RAD23B: variants seen among roughly 807,000 people sequenced by gnomAD.
RAD23B encodes lysine-specific demethylase RAD23B.
RAD23B carries 5 observed loss-of-function variants against 49.1 expected under a neutral mutation model. That is an observed-to-expected ratio of 0.10 (90% confidence interval 0.05 to 0.21). RAD23B has a LOEUF of 0.21. Among genes scored for constraint, RAD23B ranks in the 10% least tolerant of loss-of-function variants. The pLI, the probability that RAD23B is intolerant of heterozygous loss-of-function variation, is 1.00. For synonymous variants in RAD23B, 184 were observed against 165.4 expected, an observed-to-expected ratio of 1.11 and a Z score of -0.86; for missense variants, 356 against 486.7, an observed-to-expected ratio of 0.73 and a Z score of 2.53.
chr9:107,314,531 A>T (rs1457214300), intron 5 of RAD23B, among the ~76,000 whole-genome samples: 3 of 152,146 alleles, frequency 2.0e-5, no homozygotes, highest in Non-Finnish European at 2.9e-5. Flanking sequence ...ATTCTTTTTG[A>T]TGGGTGAGTA....
rs912762736 is a variant in RAD23B at position 107,314,306 on chromosome 9, G to A, written c.553+2569G>A. ...TTAGTGTAGCCATCACCTGAATAAT[G>A]AACATTGTACCAAACAGGAAGTTTT... On this transcript the variant is annotated intron_variant, in intron 5 of 9. Transcript: ENST00000358015. 4.6e-5 allele frequency among the ~76,000 whole-genome samples: 7 copies of A among 152,220 alleles called. No homozygotes were observed. In the East Asian group the frequency reaches 7.7e-4, roughly 17 times the overall value.
At chr9:107,315,446 T>A (rs1826973250) in intron 5 of RAD23B, among the ~76,000 whole-genome samples, 1 of 152,216 alleles carries the variant, frequency 6.6e-6, no homozygotes, top group African/African-American at 2.4e-5. Flanking sequence ...TATAAGGTTC[T>A]TCATCACCAC....
At chr9:107,291,015 C>T (rs1426083371) in intron 1 of RAD23B, among the ~76,000 whole-genome samples, 5 of 152,156 alleles carry the variant, frequency 3.3e-5, no homozygotes, top group South Asian at 2.1e-4. Context: ...TTTATAGTGT[C>T]ACGAAAGCTA....
chr9:107,325,389 T>C (rs1020479082), intron 9 of RAD23B, among the ~76,000 whole-genome samples: 1 of 151,636 alleles, frequency 6.6e-6, no homozygotes, highest in Non-Finnish European at 1.5e-5. Context: ...AGTCACATAT[T>C]AATAATAAGG....
intron 1 of RAD23B, among the ~76,000 whole-genome samples, chr9:107,292,421 C>T (rs1326460785): frequency 1.3e-5 from 2 of 152,188 alleles, no homozygotes; most frequent in African/African-American, 2.4e-5. Context: ...TGGCTTATGC[C>T]TGTAATCCCA....
At chr9:107,308,299 A>G (rs1826823235) in intron 4 of RAD23B, among the ~76,000 whole-genome samples, 1 of 150,548 alleles carries the variant, frequency 6.6e-6, no homozygotes, top group Admixed American at 6.6e-5. Context: ...GCTCACTACA[A>G]CCTCCACCTC....
intron 4 of RAD23B, among the ~76,000 whole-genome samples, chr9:107,308,307 C>T (rs1464995162): frequency 6.6e-6 from 1 of 151,954 alleles, no homozygotes; most frequent in South Asian, 2.1e-4. Context: ...CAACCTCCAC[C>T]TCCCGGGTTC....
Position 107,306,631 on chromosome 9 carries a change from C to T in RAD23B, c.481C>T (p.Pro161Ser), listed in dbSNP as rs781509755. The T allele has an allele frequency of 4.3e-6, 7 of 1,613,616 alleles. No individual in the cohort carries two copies. In the East Asian group the frequency reaches 1.3e-4, roughly 31 times the overall value. The change falls in exon 4 of 10, where the codon CCA becomes TCA. Residue 161 changes from proline to serine, a missense_variant. Coordinates refer to ENST00000358015, the MANE Select transcript of RAD23B (RefSeq NM_002874.5). ...AGCAGAGACACCAGTGGCTACTAGC[C>T]CAACAGCAACTGACAGGTAGGAACT... ...KPAETPVATS[P>S]TATDSTSGDS...
chr9:107,296,231 G>T (rs1045362427), intron 1 of RAD23B, among the ~76,000 whole-genome samples: 4 of 152,198 alleles, frequency 2.6e-5, no homozygotes, highest in African/African-American at 9.7e-5. Context: ...TCTTTGAAGT[G>T]ATACTGTTGG....
chr9:107,313,964 TC>T (rs1309994104), intron 5 of RAD23B, among the ~76,000 whole-genome samples: 1 of 151,752 alleles, frequency 6.6e-6, no homozygotes, highest in African/African-American at 2.4e-5. Flanking sequence ...TTCCCTTTCT[TC>T]CCCTCATTCC....
At chr9:107,323,077 T>C (rs1374458598) in intron 7 of RAD23B, among the ~76,000 whole-genome samples, 1 of 152,242 alleles carries the variant, frequency 6.6e-6, no homozygotes, top group African/African-American at 2.4e-5. Flanking sequence ...AAAAATTCTC[T>C]TTTATTCATT....
intron 5 of RAD23B, among the ~76,000 whole-genome samples, chr9:107,316,309 C>T (rs887916646): frequency 1.3e-5 from 2 of 152,330 alleles, no homozygotes; most frequent in African/African-American, 2.4e-5. Context: ...CATACCTAGT[C>T]TTTACCAAAT....
intron 8 of RAD23B, 145 bp from the exon 9 acceptor site, chr9:107,324,689 C>G: frequency 1.3e-6 from 1 of 743,198 alleles, no homozygotes; most frequent in Non-Finnish European, 1.9e-6. Context: ...GAAATCACAT[C>G]CTTCCAAAGA....
intron 5 of RAD23B, 50 bp downstream of exon 5, chr9:107,311,787 G>T: frequency 1.5e-6 from 2 of 1,367,714 alleles, no homozygotes; most frequent in Non-Finnish European, 2.0e-6. Flanking sequence ...ATAGGAAAGA[G>T]GTTTCACTTT....
At chr9:107,314,997 T>C (rs1048675951) in intron 5 of RAD23B, among the ~76,000 whole-genome samples, 6 of 152,202 alleles carry the variant, frequency 3.9e-5, no homozygotes, top group African/African-American at 1.4e-4. Flanking sequence ...GGGTTATTTG[T>C]TTTTTTCTTG....
Position 107,318,664 on chromosome 9 carries a change from G to C in RAD23B, c.554-88G>C. 7.3e-7 allele frequency: 1 copy of C among 1,370,360 alleles called. No individual in the cohort carries two copies. Among genetic ancestry groups the C allele is most frequent in the Non-Finnish European group, 1.0e-6 (1 of 997,596 alleles). 84.9% of individuals were successfully genotyped at this position (1,370,360 alleles called of 1,614,324 possible). A position where few individuals can be genotyped will look rare whatever the true frequency, so the allele number is the denominator to read the frequency against. On this transcript the variant is annotated intron_variant, in intron 5 of 9. Coordinates refer to ENST00000358015, the MANE Select transcript of RAD23B (RefSeq NM_002874.5). The surrounding 1 kb of genome is among the most constrained non-coding windows in gnomAD (Gnocchi z 4.3). Reference sequence around the variant, plus strand: ...TTGTATTCCCAGCATAGTAGTTCCTGAAATGTTGTATACATGAATCAATAA... The same window carrying C: ...TTGTATTCCCAGCATAGTAGTTCCTCAAATGTTGTATACATGAATCAATAA...
rs887510840 is a variant in RAD23B at position 107,310,806 on chromosome 9, C to T, written c.498-876C>T. ...AACACTTTGGAGTATATGATACGGTCGTTGACATTGTACTGATGAAGAAAC... is the reference window on the plus strand; with the variant it reads ...AACACTTTGGAGTATATGATACGGTTGTTGACATTGTACTGATGAAGAAAC... On this transcript the variant is annotated intron_variant, in intron 4 of 9. Coordinates refer to ENST00000358015, the MANE Select transcript of RAD23B (RefSeq NM_002874.5). 2.6e-5 allele frequency among the ~76,000 whole-genome samples: 4 copies of T among 152,080 alleles called. No homozygotes were observed. In the East Asian group the frequency reaches 5.8e-4, roughly 22 times the overall value.
chr9:107,321,928 A>G, intron 6 of RAD23B, 55 bp from the exon 7 acceptor site: 5 of 1,501,508 alleles, frequency 3.3e-6, no homozygotes, highest in African/African-American at 1.4e-5. Flanking sequence ...TTTACTCTGT[A>G]TAATATTTAA....
At chr9:107,288,059 T>G (rs1833311098) in intron 1 of RAD23B, among the ~76,000 whole-genome samples, 1 of 152,056 alleles carries the variant, frequency 6.6e-6, no homozygotes. Context: ...GAGGTGAAAT[T>G]AAGAGTTCTT....
Sources: allele counts gnomAD v4.1 joint callset (sites outside exome capture counted in the v4.1 genomes callset), GRCh38; gene constraint gnomAD v4.1.1; non-coding constraint Gnocchi (gnomAD v3.1); transcripts MANE v1.5; gene names NCBI Gene and HGNC (gene_info 2026-07-23, HGNC 2026-07-21).